SNX31: variants seen among roughly 807,000 people sequenced by gnomAD.
SNX31 encodes the protein sorting nexin-31.
Under a neutral mutation model 65.4 loss-of-function variants are expected in SNX31, and 58 were observed. The observed-to-expected ratio is 0.89, with a 90% CI of 0.72 to 1.10. The LOEUF (loss-of-function observed/expected upper bound fraction) is 1.10, where lower values mean the gene tolerates loss of function less well. SNX31 is among the 50% of genes least tolerant of loss of function. The pLI is 0.00. For missense variants in SNX31, 523 were observed against 529.7 expected, an observed-to-expected ratio of 0.99 and a Z score of 0.12; for synonymous variants, 181 against 190.1, an observed-to-expected ratio of 0.95 and a Z score of 0.39.
chr8:100,608,639 G>A (rs909854512), intron 7 of SNX31, 76 bp from the exon 8 acceptor site: 1 of 1,422,962 alleles, frequency 7.0e-7, no homozygotes, highest in African/African-American at 1.4e-5. Context: ...TTTGGAAAGT[G>A]GTGGCCCTCT....
Position 100,660,699 on chromosome 8 carries a change from G to A in SNX31, c.-58+2443C>T, listed in dbSNP as rs1232824645. Reference sequence around the variant, plus strand: ...TCTCCCAGCAGCCTGGCCTGGGCCTGTCAAACTCCAGTGTACTTGCTCTGA... The same window carrying A: ...TCTCCCAGCAGCCTGGCCTGGGCCTATCAAACTCCAGTGTACTTGCTCTGA... On this transcript the variant is annotated intron_variant, in intron 1 of 5. Coordinates refer to the SNX31 transcript ENST00000520352. The surrounding 1 kb of genome is among the most constrained non-coding windows in gnomAD (Gnocchi z 4.1). 6.6e-6 allele frequency among the ~76,000 whole-genome samples: 1 copy of A among 152,188 alleles called. No homozygotes were observed. Among genetic ancestry groups the A allele is most frequent in the Non-Finnish European group, 1.5e-5 (1 of 68,038 alleles).
upstream of SNX31, chr8:100,649,748 C>T (rs1403948771): frequency 6.7e-6 from 3 of 444,554 alleles, no homozygotes; most frequent in Admixed American, 4.5e-5. Flanking sequence ...GGATAGGTGG[C>T]GCCTGGGGCT....
In SNX31 at chr8:100,626,293, T is replaced by C. The variant is rs6468729; in HGVS notation, c.321+4034A>G. Among the ~76,000 whole-genome samples, 26,136 of 151,978 alleles carry C rather than the reference T, an allele frequency of 0.17. 2,653 individuals carry two copies. The highest frequency in any genetic ancestry group is 0.27 in the African/African-American group (11,144 of 41,422). ...CATTTTACAGATGGGGAAACTGAGGTACAAAAAGCCTAAGTAAATTGACCC... is the reference window on the plus strand; with the variant it reads ...CATTTTACAGATGGGGAAACTGAGGCACAAAAAGCCTAAGTAAATTGACCC... On this transcript the variant is annotated intron_variant, in intron 4 of 13. Coordinates refer to ENST00000311812, the MANE Select transcript of SNX31 (RefSeq NM_152628.4). This position sits in a 1 kb window ranked among gnomAD's most constrained non-coding sequence, Gnocchi z 4.4.
At chr8:100,618,057 C>T (rs1334313675) in intron 4 of SNX31, 18 of 984,888 alleles carry the variant, frequency 1.8e-5, no homozygotes, top group Admixed American at 6.2e-5. Context: ...TGAGCCACCA[C>T]GCCCGGCCTC....
At chr8:100,650,767 G>A (rs193248329), upstream of SNX31, among the ~76,000 whole-genome samples, 1 of 152,164 alleles carries the variant, frequency 6.6e-6, no homozygotes, top group Admixed American at 6.5e-5. Flanking sequence ...GTAGTTAAGA[G>A]AATGGCAACA....
At chr8:100,650,249 A>G (rs904368083), upstream of SNX31, among the ~76,000 whole-genome samples, 3 of 152,248 alleles carry the variant, frequency 2.0e-5, no homozygotes, top group African/African-American at 7.2e-5. Flanking sequence ...AAATGAAACT[A>G]GAATTCCTCC....
rs984428340 is a variant in SNX31, at chr8:100,629,169, G to A, written c.321+1158C>T. Among the ~76,000 whole-genome samples the A allele has an allele frequency of 1.8e-4, 28 of 152,122 alleles. No individual in the cohort carries two copies. The highest frequency in any genetic ancestry group is 6.5e-4 in the African/African-American group (27 of 41,410). On this transcript the variant is annotated intron_variant, in intron 4 of 13. Transcript: ENST00000311812. The surrounding 1 kb of genome is among the most constrained non-coding windows in gnomAD (Gnocchi z 5.1). Reference sequence around the variant, plus strand: ...TGCATGTATGTGTATATATATGTGTGCATGTACATATATATGTATATATAT... The same window carrying A: ...TGCATGTATGTGTATATATATGTGTACATGTACATATATATGTATATATAT...
chr8:100,612,227 A>G lies in SNX31; in HGVS notation c.524-140T>C. The G allele has an allele frequency of 5.1e-6, 3 of 592,336 alleles. No homozygotes were observed. The East Asian group carries it at 8.7e-5, about 17-fold the overall frequency. The allele number at this position is 592,336 out of a possible 1,614,324, so 36.7% of individuals were successfully genotyped here. On this transcript the variant is annotated intron_variant, in intron 6 of 13. Transcript: ENST00000311812. This position sits in a 1 kb window ranked among gnomAD's most constrained non-coding sequence, Gnocchi z 4.3. ...AGAATATCCTCTGTATTTACACGTAATTTTAACTTTCTGAAGTTCATTCAA... is the reference window on the plus strand; with the variant it reads ...AGAATATCCTCTGTATTTACACGTAGTTTTAACTTTCTGAAGTTCATTCAA...
intron 12 of SNX31, among the ~76,000 whole-genome samples, chr8:100,581,063 A>G (rs1176528767): frequency 6.6e-6 from 1 of 150,584 alleles, no homozygotes; most frequent in African/African-American, 2.5e-5. Flanking sequence ...TGGGAAGCCA[A>G]GGTGGGAGGA....
At chr8:100,582,936 T>G (rs1813687230) in intron 12 of SNX31, among the ~76,000 whole-genome samples, 1 of 149,868 alleles carries the variant, frequency 6.7e-6, no homozygotes, top group Non-Finnish European at 1.5e-5. Flanking sequence ...TGAGCTGAGA[T>G]GCACCACTGC....
intron 4 of SNX31, among the ~76,000 whole-genome samples, chr8:100,621,538 A>G (rs112229549): frequency 6.6e-6 from 1 of 152,112 alleles, no homozygotes; most frequent in Non-Finnish European, 1.5e-5. Context: ...ATCTCTTGAG[A>G]CCATCTCCAT....
intron 1 of SNX31, among the ~76,000 whole-genome samples, chr8:100,662,653 C>T (rs529431086): frequency 7.5e-4 from 114 of 152,166 alleles, no homozygotes; most frequent in African/African-American, 2.7e-3. Flanking sequence ...GCCAAGATCG[C>T]GCCACTGCAC....
rs973840359 is a variant in SNX31, at chr8:100,648,447, G to C, written c.141+827C>G. Among the ~76,000 whole-genome samples the C allele has an allele frequency of 6.6e-6, 1 of 151,666 alleles. No individual in the cohort carries two copies. The highest frequency in any genetic ancestry group is 1.9e-4 in the East Asian group (1 of 5,182). On this transcript the variant is annotated intron_variant, in intron 2 of 13. Coordinates refer to ENST00000311812, the MANE Select transcript of SNX31 (RefSeq NM_152628.4). This position sits in a 1 kb window ranked among gnomAD's most constrained non-coding sequence, Gnocchi z 4.3. ...CAAAGTATTGGGATTACAAGCATGA[G>C]CCACGGTGCCTGGCCTATACTTTTG...
chr8:100,601,128 A>G (rs1433111230), intron 8 of SNX31, among the ~76,000 whole-genome samples: 1 of 152,196 alleles, frequency 6.6e-6, no homozygotes, highest in Non-Finnish European at 1.5e-5. Context: ...AACATTTTCA[A>G]CTTGATAGTG....
At chr8:100,643,335 C>G (rs2131271085) in intron 2 of SNX31, among the ~76,000 whole-genome samples, 1 of 152,292 alleles carries the variant, frequency 6.6e-6, no homozygotes, top group South Asian at 2.1e-4. Flanking sequence ...CCCCACCTTA[C>G]TGCATTCACA....
In SNX31 at chr8:100,612,974, C is replaced by T. The variant is rs758142450; in HGVS notation, c.523+21G>A. ...TGTCCACCCCATCTCCTAGCTGATT[C>T]ATTTGTTCCTTCCTTCTTACCAGAG... On this transcript the variant is annotated intron_variant, in intron 6 of 13. Transcript: ENST00000311812. The surrounding 1 kb of genome is among the most constrained non-coding windows in gnomAD (Gnocchi z 4.3). 1.2e-5 allele frequency: 19 copies of T among 1,607,838 alleles called. No individual in the cohort carries two copies. The highest frequency in any genetic ancestry group is 1.4e-5 in the Non-Finnish European group (17 of 1,174,476).
At chr8:100,654,765 C>A (rs144087745) in intron 1 of SNX31, among the ~76,000 whole-genome samples, 138 of 152,344 alleles carry the variant, frequency 9.1e-4, no homozygotes, top group Admixed American at 4.8e-3. Context: ...GTAATCCCAG[C>A]ACTTTGGGAG....
chr8:100,661,783 G>C (rs1398485254), intron 1 of SNX31, among the ~76,000 whole-genome samples: 1 of 151,918 alleles, frequency 6.6e-6, no homozygotes, highest in Non-Finnish European at 1.5e-5. Context: ...TCCTGCCTCA[G>C]CCTCCCAAAG....
At position 100,573,953 on chromosome 8, in the gene SNX31, T is replaced by C. The variant is rs749791336; in HGVS notation, c.1235A>G (p.Asp412Gly). 1.5e-5 allele frequency: 23 copies of C among 1,560,770 alleles called. 2 individuals carry two copies. The Admixed American group carries it at 4.4e-4, about 30-fold the overall frequency. Residue 412 changes from aspartate to glycine, a missense_variant, in exon 14 of 14, where the codon GAC (aspartate) becomes GGC (glycine). By Grantham distance (94) the Asp-to-Gly change is moderately conservative. Coordinates refer to ENST00000311812, the MANE Select transcript of SNX31 (RefSeq NM_152628.4). ...KYHIQQSQQKDYSSFLSRKSK... is the reference protein window; with the variant it reads ...KYHIQQSQQKGYSSFLSRKSK... ...TTTTCTTGATAGAAAACTAGAATAG[T>C]CTTTCTGCTGTGAAGTAAACAGAGA...
Sources: gnomAD v4.1 joint callset for allele counts (sites outside exome capture counted in the v4.1 genomes callset) on GRCh38, gnomAD v4.1.1 for gene constraint, Gnocchi (gnomAD v3.1) non-coding constraint, MANE v1.5 for transcripts, NCBI Gene and HGNC (gene_info 2026-07-23, HGNC 2026-07-21) for gene names.